The following TXNDC16 variants were observed in gnomAD, a reference collection of about 807,000 sequenced individuals.
TXNDC16 encodes the protein thioredoxin domain-containing protein 16.
Under a neutral mutation model 85.6 loss-of-function variants are expected in TXNDC16, and 74 were observed. That is an observed-to-expected ratio of 0.86 (90% confidence interval 0.72 to 1.05). The LOEUF is 1.05. TXNDC16 is among the 50% of genes least tolerant of loss of function. The pLI is 0.00. For synonymous variants in TXNDC16, 335 were observed against 326.5 expected, an observed-to-expected ratio of 1.03 and a Z score of -0.28; for missense variants, 959 against 947.0, an observed-to-expected ratio of 1.01 and a Z score of -0.17.
chr14:52,460,854 A>G (rs953353125), intron 16 of TXNDC16, among the ~76,000 whole-genome samples: 1 of 152,158 alleles, frequency 6.6e-6, no homozygotes, highest in African/African-American at 2.4e-5. Context: ...ATTACATGAA[A>G]TTTATGTGCA....
At chr14:52,485,740 A>C (rs1473224322) in intron 12 of TXNDC16, among the ~76,000 whole-genome samples, 1 of 152,218 alleles carries the variant, frequency 6.6e-6, no homozygotes, top group East Asian at 1.9e-4. Flanking sequence ...GCAATAGGAT[A>C]TATCATACAC....
chr14:52,484,096 A>G (rs537974296), intron 12 of TXNDC16, among the ~76,000 whole-genome samples: 3 of 151,774 alleles, frequency 2.0e-5, no homozygotes, highest in Non-Finnish European at 4.4e-5. Flanking sequence ...TAATAATAGT[A>G]TTAATTATGT....
At chr14:52,494,165 C>A (rs2036479710) in intron 9 of TXNDC16, among the ~76,000 whole-genome samples, 1 of 151,852 alleles carries the variant, frequency 6.6e-6, no homozygotes, top group African/African-American at 2.4e-5. Context: ...ATATAAAGTA[C>A]TCAATAACTT....
At chr14:52,518,986 C>T (rs1371633199) in intron 7 of TXNDC16, among the ~76,000 whole-genome samples, 186 bp downstream of exon 7, 1 of 152,058 alleles carries the variant, frequency 6.6e-6, no homozygotes, top group Non-Finnish European at 1.5e-5. Flanking sequence ...GAAAGTCTAA[C>T]CTAGAGAGTT....
intron 20 of TXNDC16, among the ~76,000 whole-genome samples, chr14:52,435,049 G>C (rs1175313858): frequency 6.6e-6 from 1 of 152,140 alleles, no homozygotes; most frequent in Non-Finnish European, 1.5e-5. Context: ...TCTTTACATA[G>C]GTGATGATAA....
At chr14:52,530,302 T>TA (rs1415631813) in intron 6 of TXNDC16, among the ~76,000 whole-genome samples, 5 of 52,374 alleles carry the variant, frequency 9.5e-5, no homozygotes, top group East Asian at 1.0e-3. Flanking sequence ...ATATATAATA[T>TA]TAATATATAA....
At chr14:52,466,760 G>A (rs959635542) in intron 16 of TXNDC16, among the ~76,000 whole-genome samples, 6 of 151,822 alleles carry the variant, frequency 4.0e-5, no homozygotes, top group Non-Finnish European at 7.4e-5. Flanking sequence ...CCAGCTACTC[G>A]GGAGGCTGAG....
At chr14:52,471,391 T>C (rs894093615) in intron 14 of TXNDC16, among the ~76,000 whole-genome samples, 2 of 152,218 alleles carry the variant, frequency 1.3e-5, no homozygotes, top group African/African-American at 4.8e-5. Flanking sequence ...ACACTAATGC[T>C]AGAGATATCT....
intron 9 of TXNDC16, among the ~76,000 whole-genome samples, chr14:52,493,279 C>T (rs2036457168): frequency 6.7e-6 from 1 of 150,214 alleles, no homozygotes; most frequent in Non-Finnish European, 1.5e-5. Context: ...AATTTCCAAT[C>T]AGCTTCTAGT....
At chr14:52,449,493 A>G (rs773430089) in intron 18 of TXNDC16, among the ~76,000 whole-genome samples, 9 of 152,174 alleles carry the variant, frequency 5.9e-5, no homozygotes, top group Non-Finnish European at 8.8e-5. Flanking sequence ...CTCCAACACA[A>G]TAACAGCTGA....
chr14:52,488,278 T>C (rs1366370010), intron 12 of TXNDC16, 85 bp downstream of exon 12: 24 of 1,513,440 alleles, frequency 1.6e-5, no homozygotes, highest in Admixed American at 1.2e-4. Flanking sequence ...AACACATTCT[T>C]GGAGAAAGTT....
chr14:52,480,975 G>GTATATATA lies in TXNDC16; in HGVS notation c.1312+1247_1312+1254dup, dbSNP rs141877325. Among the ~76,000 whole-genome samples the GTATATATA allele has an allele frequency of 1.2e-3, 164 of 134,976 alleles. 1 individual carries two copies. The highest frequency in any genetic ancestry group is 4.0e-3 in the African/African-American group (144 of 35,670). 88.5% of individuals were successfully genotyped at this position (134,976 alleles called of 152,430 possible). ...TGTGTGTGTGTGTATATATATATATGTATATATATATATATATATATATAT... is the reference window on the plus strand; with the variant it reads ...TGTGTGTGTGTGTATATATATATATGTATATATATATATATATATATATATATATATAT... On this transcript the variant is annotated intron_variant, in intron 14 of 20. Transcript: ENST00000281741.
chr14:52,547,476 G>C (rs993748120), intron 1 of TXNDC16, among the ~76,000 whole-genome samples: 9 of 152,064 alleles, frequency 5.9e-5, no homozygotes, highest in African/African-American at 2.2e-4. Context: ...CTTGTAAATT[G>C]ATGTTCTTTA....
At chr14:52,490,100 T>C (rs954724976) in intron 11 of TXNDC16, among the ~76,000 whole-genome samples, 13 of 152,072 alleles carry the variant, frequency 8.5e-5, no homozygotes, top group African/African-American at 3.1e-4. Flanking sequence ...AAGTGCTAGA[T>C]TACAGGCACG....
chr14:52,542,285 G>T (rs1367501392), intron 4 of TXNDC16, 86 bp downstream of exon 4: 5 of 820,580 alleles, frequency 6.1e-6, no homozygotes, highest in Non-Finnish European at 9.7e-6. Context: ...GATATGAAAT[G>T]GAAGTATTTT....
At chr14:52,468,887 A>C (rs1263063381) in intron 16 of TXNDC16, among the ~76,000 whole-genome samples, 1 of 152,058 alleles carries the variant, frequency 6.6e-6, no homozygotes, top group African/African-American at 2.4e-5. Flanking sequence ...AAAAAAAAAA[A>C]CAAAAAACCA....
chr14:52,470,831 A>G, intron 14 of TXNDC16, 151 bp from the exon 15 acceptor site: 2 of 668,058 alleles, frequency 3.0e-6, no homozygotes, highest in Non-Finnish European at 2.3e-6. Context: ...TCTTTGCAAC[A>G]CCATTCCCTG....
intron 16 of TXNDC16, among the ~76,000 whole-genome samples, chr14:52,468,458 TAAAC>T (rs1453219958): frequency 6.6e-6 from 1 of 152,108 alleles, no homozygotes. Flanking sequence ...AAATTATCAT[TAAAC>T]AAAGCTAAAG....
chr14:52,514,186 GCTGTAAAA>G (rs1296891772), intron 8 of TXNDC16, among the ~76,000 whole-genome samples: 1 of 152,100 alleles, frequency 6.6e-6, no homozygotes, highest in Admixed American at 6.6e-5. Context: ...TAAATGTAGA[GCTGTAAAA>G]CATCTGGGCT....
Sources: gnomAD v4.1 joint callset for allele counts (sites outside exome capture counted in the v4.1 genomes callset) on GRCh38, gnomAD v4.1.1 for gene constraint, MANE v1.5 for transcripts, NCBI Gene and HGNC (gene_info 2026-07-23, HGNC 2026-07-21) for gene names.